Variants in TENM4 observed in about 807,000 individuals in gnomAD.
TENM4 encodes the protein teneurin transmembrane protein 4, also known as teneurin-4.
TENM4 carries 82 observed loss-of-function variants against 243.3 expected under a neutral mutation model. That is an observed-to-expected ratio of 0.34 (90% confidence interval 0.28 to 0.40). TENM4 has a LOEUF of 0.40. Ranked by LOEUF, TENM4 falls within the 10% of genes least tolerant of loss-of-function variation. TENM4 has a pLI of 1.00. For synonymous variants in TENM4, 1,412 were observed against 1,456.3 expected, an observed-to-expected ratio of 0.97 and a Z score of 0.69; for missense variants, 3,138 against 3,673.3, an observed-to-expected ratio of 0.85 and a Z score of 3.77.
chr11:78,686,182 C>T (rs978925003), intron 29 of TENM4, among the ~76,000 whole-genome samples: 1 of 152,178 alleles, frequency 6.6e-6, no homozygotes, highest in African/African-American at 2.4e-5. Context: ...GGTCCGATCA[C>T]ATTTCTACAT....
chr11:79,172,205 G>C (rs1179620702), intron 3 of TENM4, among the ~76,000 whole-genome samples: 1 of 151,996 alleles, frequency 6.6e-6, no homozygotes, highest in Admixed American at 6.5e-5. Context: ...CTCCAGCCTC[G>C]GCCTCCCAAA....
chr11:79,025,890 G>A (rs1383198607), intron 6 of TENM4, among the ~76,000 whole-genome samples: 1 of 152,162 alleles, frequency 6.6e-6, no homozygotes, highest in African/African-American at 2.4e-5. Context: ...TACGGGGCTG[G>A]CTCCGGGACA....
At chr11:78,881,554 G>C (rs1456999346) in intron 9 of TENM4, among the ~76,000 whole-genome samples, 1 of 152,060 alleles carries the variant, frequency 6.6e-6, no homozygotes, top group Non-Finnish European at 1.5e-5. Flanking sequence ...TGGTATCCTA[G>C]AACCATTAGC....
At chr11:78,755,415 C>T (rs568221272) in intron 19 of TENM4, among the ~76,000 whole-genome samples, 2 of 152,224 alleles carry the variant, frequency 1.3e-5, no homozygotes, top group African/African-American at 2.4e-5. Context: ...GTGATCTGCC[C>T]GCCTGAGCCT....
chr11:78,984,983 T>G (rs1857885882), intron 6 of TENM4, among the ~76,000 whole-genome samples: 1 of 152,176 alleles, frequency 6.6e-6, no homozygotes, highest in South Asian at 2.1e-4. Context: ...AGTGCTAGCA[T>G]GTCAAGGGCG....
chr11:78,959,258 T>G (rs1356892627), intron 6 of TENM4, among the ~76,000 whole-genome samples: 2 of 152,220 alleles, frequency 1.3e-5, no homozygotes, highest in Non-Finnish European at 2.9e-5. Context: ...CATTTTACCT[T>G]TCCATATTAT....
At chr11:79,396,436 A>G (rs1263317375) in intron 1 of TENM4, among the ~76,000 whole-genome samples, 1 of 152,188 alleles carries the variant, frequency 6.6e-6, no homozygotes, top group African/African-American at 2.4e-5. Flanking sequence ...TGGGCCATTC[A>G]GGGTTCAGTC....
chr11:78,689,428 C>A (rs571306829), intron 28 of TENM4, among the ~76,000 whole-genome samples: 45 of 151,908 alleles, frequency 3.0e-4, no homozygotes, highest in African/African-American at 1.1e-3. Context: ...TCCTGACTGA[C>A]TTGCTGGACA....
intron 4 of TENM4, among the ~76,000 whole-genome samples, chr11:79,102,664 C>T (rs938696358): frequency 1.3e-5 from 2 of 152,212 alleles, no homozygotes; most frequent in Non-Finnish European, 2.9e-5. Context: ...GTCTGTCCAT[C>T]CATCTATCCA....
chr11:79,294,545 T>C (rs985641789), intron 2 of TENM4, among the ~76,000 whole-genome samples: 2 of 152,038 alleles, frequency 1.3e-5, no homozygotes, highest in Non-Finnish European at 2.9e-5. Context: ...AGTAGGCTCG[T>C]TCAGTAAGAA....
intron 4 of TENM4, among the ~76,000 whole-genome samples, chr11:79,145,167 T>A (rs1862374286): frequency 6.6e-6 from 1 of 152,096 alleles, no homozygotes; most frequent in Non-Finnish European, 1.5e-5. Context: ...GTAACTGAAG[T>A]TTCACTTAAT....
intron 6 of TENM4, among the ~76,000 whole-genome samples, chr11:78,991,157 C>A (rs902301812): frequency 3.3e-5 from 5 of 152,194 alleles, no homozygotes; most frequent in Non-Finnish European, 5.9e-5. Context: ...GCTACCGGCA[C>A]TGAATACACT....
intron 6 of TENM4, among the ~76,000 whole-genome samples, chr11:78,961,567 G>A (rs1443925791): frequency 6.6e-6 from 1 of 152,240 alleles, no homozygotes; most frequent in Non-Finnish European, 1.5e-5. Flanking sequence ...TAGCCCTGCA[G>A]CTGGCTGGGG....
Position 79,424,677 on chromosome 11 carries a change from G to A in TENM4, c.-321+15832C>T, listed in dbSNP as rs547493342. Among the ~76,000 whole-genome samples, 280 of 151,880 alleles carry A rather than the reference G, an allele frequency of 1.8e-3. 2 individuals carry two copies. The highest frequency in any genetic ancestry group is 3.1e-3 in the Non-Finnish European group (209 of 67,996). ...AAGGCTGGCACAGAGGCTCACGCCT[G>A]TAATCCCAACACTTTGGGAGGCCGA... On this transcript the variant is annotated intron_variant, in intron 1 of 33. Transcript: ENST00000278550.
At position 78,669,811 on chromosome 11, in the gene TENM4, C is replaced by T. The variant is rs747595812; in HGVS notation, c.6534G>A (p.Lys2178=). ...VQYDNMGRVV[K]KELKVGPYAN... ...CGTAGGGTCCTACCTTCAGCTCCTT[C>T]TTCACTACTCGCCCCATGTTATCAT... Residue 2178 remains lysine (K), a synonymous_variant, in exon 32 of 34, where the codon AAG becomes AAA. Coordinates refer to ENST00000278550, the MANE Select transcript of TENM4 (RefSeq NM_001098816.3). The surrounding 1 kb of genome is among the most constrained non-coding windows in gnomAD (Gnocchi z 6.4). 4.3e-6 allele frequency: 7 copies of T among 1,613,958 alleles called. No homozygotes were observed. The South Asian group carries it at 7.7e-5, about 18-fold the overall frequency.
intron 1 of TENM4, among the ~76,000 whole-genome samples, chr11:79,330,163 C>T (rs552210924): frequency 6.6e-6 from 1 of 152,258 alleles, no homozygotes; most frequent in East Asian, 1.9e-4. Context: ...TCACTGAAAG[C>T]AGAACTGGGA....
rs1470600388 is a variant in TENM4 at position 79,052,784 on chromosome 11, C to T, written c.493+11954G>A. Among the ~76,000 whole-genome samples the T allele has an allele frequency of 2.0e-5, 3 of 152,206 alleles. No individual in the cohort carries two copies. The East Asian group carries it at 5.8e-4, about 29-fold the overall frequency. The stretch of plus-strand genomic sequence containing the variant: ...TGGCCAGTCGGTCCATTGAATTCTG[C>T]TGCCTAGCACCCATTAACTGCTTGT... On this transcript the variant is annotated intron_variant, in intron 6 of 33. Transcript: ENST00000278550.
chr11:79,431,332 G>T lies in TENM4; in HGVS notation c.-321+9177C>A, dbSNP rs72935098. 4.7e-3 allele frequency among the ~76,000 whole-genome samples: 717 copies of T among 152,206 alleles called. 39 individuals are homozygous for T. In the East Asian group the frequency reaches 0.12, roughly 25 times the overall value. On this transcript the variant is annotated intron_variant, in intron 1 of 33. Coordinates refer to ENST00000278550, the MANE Select transcript of TENM4 (RefSeq NM_001098816.3). ...TCTTTGAATAATATTCCGCTGCTAG[G>T]CTTGGCCACATTTTACTTATTCCAC...
intron 19 of TENM4, among the ~76,000 whole-genome samples, chr11:78,748,651 A>G (rs1277908425): frequency 2.0e-5 from 3 of 152,210 alleles, no homozygotes; most frequent in Non-Finnish European, 4.4e-5. Flanking sequence ...TACAAGCCCT[A>G]TGACCATGGC....
Sources: allele counts gnomAD v4.1 joint callset (sites outside exome capture counted in the v4.1 genomes callset), GRCh38; gene constraint gnomAD v4.1.1; non-coding constraint Gnocchi (gnomAD v3.1); transcripts MANE v1.5; gene names NCBI Gene and HGNC (gene_info 2026-07-23, HGNC 2026-07-21).